TMEM88: variants seen among roughly 807,000 people sequenced by gnomAD.
TMEM88 encodes the protein transmembrane protein 88.
A neutral mutation model predicts 10.0 loss-of-function variants in TMEM88; 8 were observed. That is an observed-to-expected ratio of 0.80 (90% CI 0.47 to 1.44). The LOEUF (loss-of-function observed/expected upper bound fraction) is 1.44, where lower values mean the gene tolerates loss of function less well. Among genes scored for constraint, TMEM88 ranks in the 40% most tolerant of loss-of-function variants. The probability of loss-of-function intolerance (pLI) is 0.00; values close to 1 mark genes in which losing one functional copy is unlikely to be tolerated. For missense variants in TMEM88, 255 were observed against 217.8 expected, an observed-to-expected ratio of 1.17 and a Z score of -1.07; for synonymous variants, 139 against 104.9, an observed-to-expected ratio of 1.33 and a Z score of -1.99.
Position 7,856,038 on chromosome 17 carries a change from C to G in TMEM88, c.*324C>G. 52 of 1,044,692 alleles carry G rather than the reference C, an allele frequency of 5.0e-5. No individual in the cohort carries two copies. Among genetic ancestry groups the G allele is most frequent in the East Asian group, 6.3e-5 (2 of 31,640 alleles). The allele number at this position is 1,044,692 out of a possible 1,614,324, so 64.7% of individuals were successfully genotyped here. A position where few individuals can be genotyped will look rare whatever the true frequency, so the allele number is the denominator to read the frequency against. On this transcript the variant is annotated 3_prime_UTR_variant, in exon 2 of 2. Coordinates refer to ENST00000301599, the MANE Select transcript of TMEM88 (RefSeq NM_203411.2). ...TGCAGCTTCTCTAGTATTTCTGGGGCTGGGGGGCGGGGCTGGAGGGGAAGG... is the reference window on the plus strand; with the variant it reads ...TGCAGCTTCTCTAGTATTTCTGGGGGTGGGGGGCGGGGCTGGAGGGGAAGG...
Position 7,855,452 on chromosome 17 carries a change from G to T in TMEM88, c.218G>T (p.Arg73Leu). 2 of 1,603,920 alleles carry T rather than the reference G, an allele frequency of 1.2e-6. No individual in the cohort carries two copies. The highest frequency in any genetic ancestry group is 1.3e-5 in the African/African-American group (1 of 75,002). The change falls in exon 2 of 2, where the codon CGC becomes CTC. Residue 73 changes from arginine to leucine, a missense_variant. Transcript: ENST00000301599. ...FGFLCHSQFLRSQAPPCTAHL... is the reference protein window; with the variant it reads ...FGFLCHSQFLLSQAPPCTAHL... ...ACGCCTCTTCTCCCACAGTTCCTGC[G>T]CTCCCAGGCACCCCCTTGCACCGCG...
Position 7,855,308 on chromosome 17 carries a change from CGTGTGA to C in TMEM88, c.210+35_210+40del, listed in dbSNP as rs769339123. 160 of 1,582,980 alleles carry C rather than the reference CGTGTGA, an allele frequency of 1.0e-4. No individual in the cohort carries two copies. The African/African-American group carries it at 1.5e-3, about 15-fold the overall frequency. On this transcript the variant is annotated intron_variant, in intron 1 of 1. Coordinates refer to ENST00000301599, the MANE Select transcript of TMEM88 (RefSeq NM_203411.2). ...AGGTGAGCGTGCGCCCCGGGGTGTG[CGTGTGA>C]GTGTGAGTGTTGGTGTGTGGTGATG...
chr17:7,855,249 A>C lies in TMEM88; in HGVS notation c.175A>C (p.Thr59Pro). The stretch of plus-strand genomic sequence containing the variant: ...AGGGACCATCTTGCTACCCGCTGTC[A>C]CCATGCTGGGCTTCGGCTTCCTCTG... ...VLGTILLPAVTMLGFGFLCHS... is the reference protein window; with the variant it reads ...VLGTILLPAVPMLGFGFLCHS... Residue 59 changes from threonine to proline, a missense_variant, in exon 1 of 2, where the codon ACC becomes CCC. Coordinates refer to ENST00000301599, the MANE Select transcript of TMEM88 (RefSeq NM_203411.2). 1 of 1,603,732 alleles carries C rather than the reference A, an allele frequency of 6.2e-7. No homozygotes were observed. Among genetic ancestry groups the C allele is most frequent in the Non-Finnish European group, 8.5e-7 (1 of 1,175,782 alleles).
Position 7,855,451 on chromosome 17 carries a change from C to T in TMEM88, c.217C>T (p.Arg73Cys), listed in dbSNP as rs200927879. 9 of 1,603,720 alleles carry T rather than the reference C, an allele frequency of 5.6e-6. No individual in the cohort carries two copies. Among genetic ancestry groups the T allele is most frequent in the Non-Finnish European group, 7.6e-6 (9 of 1,179,390 alleles). Reference sequence around the variant, plus strand: ...GACGCCTCTTCTCCCACAGTTCCTGCGCTCCCAGGCACCCCCTTGCACCGC... The same window carrying T: ...GACGCCTCTTCTCCCACAGTTCCTGTGCTCCCAGGCACCCCCTTGCACCGC... ...FGFLCHSQFL[R>C]SQAPPCTAHL... Residue 73 changes from arginine to cysteine, a missense_variant, in exon 2 of 2, where the codon CGC becomes TGC. Coordinates refer to ENST00000301599, the MANE Select transcript of TMEM88 (RefSeq NM_203411.2).
At position 7,855,452 on chromosome 17, in the gene TMEM88, G is replaced by C; in HGVS notation, c.218G>C (p.Arg73Pro). Residue 73 changes from arginine to proline, a missense_variant, in exon 2 of 2, where the codon CGC becomes CCC. Physicochemically the swap from Arg to Pro is moderately radical, Grantham distance 103 (BLOSUM62 -2). Transcript: ENST00000301599. ...FGFLCHSQFL[R>P]SQAPPCTAHL... Reference sequence around the variant, plus strand: ...ACGCCTCTTCTCCCACAGTTCCTGCGCTCCCAGGCACCCCCTTGCACCGCG... The same window carrying C: ...ACGCCTCTTCTCCCACAGTTCCTGCCCTCCCAGGCACCCCCTTGCACCGCG... The C allele has an allele frequency of 1.2e-6, 2 of 1,603,920 alleles. No homozygotes were observed. Among genetic ancestry groups the C allele is most frequent in the Non-Finnish European group, 1.7e-6 (2 of 1,179,430 alleles).
At position 7,855,739 on chromosome 17, in the gene TMEM88, T is replaced by A. The variant is rs1188561922; in HGVS notation, c.*25T>A. The A allele has an allele frequency of 6.7e-7, 1 of 1,497,972 alleles. No individual in the cohort carries two copies. Among genetic ancestry groups the A allele is most frequent in the Non-Finnish European group, 8.9e-7 (1 of 1,120,978 alleles). 92.8% of individuals were successfully genotyped at this position (1,497,972 alleles called of 1,614,324 possible). ...ATGACCCTCGAGTCAAGAACAACCC[T>A]GACGGCTGCCCTCCCTCTTATTCGG... On this transcript the variant is annotated 3_prime_UTR_variant, in exon 2 of 2. Coordinates refer to ENST00000301599, the MANE Select transcript of TMEM88 (RefSeq NM_203411.2).
At position 7,855,114 on chromosome 17, in the gene TMEM88, G is replaced by T; in HGVS notation, c.40G>T (p.Asp14Tyr). 6.2e-7 allele frequency: 1 copy of T among 1,608,246 alleles called. No individual in the cohort carries two copies. ...VPGAQRAVPG[D>Y]GPEPRDPLDC... ...CGGGGCACAGCGAGCGGTTCCTGGT[G>T]ACGGCCCAGAGCCCCGGGACCCCCT... Residue 14 changes from aspartate (D) to tyrosine (Y), a missense_variant, in exon 1 of 2, where the codon GAC (aspartate) becomes TAC (tyrosine). Physicochemically the swap from Asp to Tyr is radical, Grantham distance 160. Transcript: ENST00000301599.
chr17:7,855,705 C>T lies in TMEM88; in HGVS notation c.471C>T (p.Val157=). ...GSQAVPTSGK[V]WV is the part of the protein sequence containing the mutation. ...AGGCCGTTCCCACATCAGGAAAGGTCTGGGTCTAATGACCCTCGAGTCAAG... is the reference window on the plus strand; with the variant it reads ...AGGCCGTTCCCACATCAGGAAAGGTTTGGGTCTAATGACCCTCGAGTCAAG... The change falls in exon 2 of 2, where the codon GTC becomes GTT. Residue 157 remains valine, a synonymous_variant. Transcript: ENST00000301599. 1.3e-6 allele frequency: 2 copies of T among 1,570,148 alleles called. No individual in the cohort carries two copies. The highest frequency in any genetic ancestry group is 1.4e-5 in the African/African-American group (1 of 74,016).
Position 7,855,661 on chromosome 17 carries a change from C to T in TMEM88, c.427C>T (p.Arg143Trp), listed in dbSNP as rs2078799145. 3 of 1,605,318 alleles carry T rather than the reference C, an allele frequency of 1.9e-6. No homozygotes were observed. Among genetic ancestry groups the T allele is most frequent in the African/African-American group, 2.7e-5 (2 of 74,964 alleles). The change falls in exon 2 of 2, where the codon CGG becomes TGG. Residue 143 changes from arginine to tryptophan, a missense_variant. By Grantham distance (101) the Arg-to-Trp change is moderately radical. Coordinates refer to ENST00000301599, the MANE Select transcript of TMEM88 (RefSeq NM_203411.2). The stretch of plus-strand genomic sequence containing the variant: ...GCGCGCCCCGCAGCCGCGGCAAATC[C>T]GGGCCTCACCAGGGTCCCAGGCCGT... ...RRRAPQPRQI[R>W]ASPGSQAVPT...
At position 7,855,709 on chromosome 17, in the gene TMEM88, G is replaced by A; in HGVS notation, c.475G>A (p.Val159Ile). 3.2e-6 allele frequency: 5 copies of A among 1,561,988 alleles called. No homozygotes were observed. The highest frequency in any genetic ancestry group is 4.3e-6 in the Non-Finnish European group (5 of 1,152,194). ...QAVPTSGKVWV is the reference protein window; with the variant it reads ...QAVPTSGKVWI ...CGTTCCCACATCAGGAAAGGTCTGG[G>A]TCTAATGACCCTCGAGTCAAGAACA... Residue 159 changes from valine (V) to isoleucine (I), a missense_variant, in exon 2 of 2, where the codon GTC becomes ATC. Coordinates refer to ENST00000301599, the MANE Select transcript of TMEM88 (RefSeq NM_203411.2).
At position 7,855,790 on chromosome 17, in the gene TMEM88, TC is replaced by T. The variant is rs1362173263; in HGVS notation, c.*78del. The stretch of plus-strand genomic sequence containing the variant: ...CCCAAGGACTTGAAGCCCGGCATCT[TC>T]CGACCTGCCCTGCCCCCACCCCTGC... On this transcript the variant is annotated 3_prime_UTR_variant, in exon 2 of 2. Transcript: ENST00000301599. The T allele has an allele frequency of 2.1e-6, 3 of 1,443,732 alleles. No homozygotes were observed. The highest frequency in any genetic ancestry group is 5.0e-5 in the East Asian group (2 of 40,008). 89.4% of individuals were successfully genotyped at this position (1,443,732 alleles called of 1,614,324 possible).
intron 1 of TMEM88, 58 bp from the exon 2 acceptor site, chr17:7,855,387 T>G (rs1597867007): frequency 2.5e-6 from 4 of 1,593,026 alleles, no homozygotes; most frequent in South Asian, 1.1e-5. Flanking sequence ...CTGGGCTGTT[T>G]CCACCCCGTG....
In TMEM88 at chr17:7,855,754, C is replaced by G. The variant is rs1343266947; in HGVS notation, c.*40C>G. The G allele has an allele frequency of 6.8e-7, 1 of 1,472,484 alleles. No homozygotes were observed. Among genetic ancestry groups the G allele is most frequent in the Non-Finnish European group, 9.0e-7 (1 of 1,110,154 alleles). 91.2% of individuals were successfully genotyped at this position (1,472,484 alleles called of 1,614,324 possible). ...AGAACAACCCTGACGGCTGCCCTCC[C>G]TCTTATTCGGCCCAAGGACTTGAAG... On this transcript the variant is annotated 3_prime_UTR_variant, in exon 2 of 2. Transcript: ENST00000301599.
Position 7,855,552 on chromosome 17 carries a change from T to C in TMEM88, c.318T>C (p.Ala106=). Reference sequence around the variant, plus strand: ...TCCTCGTGCCGCTGCTCGTGCTTGCTCTGGCCAGCTACCGCCGCCTCTGCC... The same window carrying C: ...TCCTCGTGCCGCTGCTCGTGCTTGCCCTGGCCAGCTACCGCCGCCTCTGCC... ...FLLLVPLLVL[A]LASYRRLCLR... Residue 106 remains alanine (A), a synonymous_variant, in exon 2 of 2, where the codon GCT becomes GCC. Coordinates refer to ENST00000301599, the MANE Select transcript of TMEM88 (RefSeq NM_203411.2). 1 of 1,608,384 alleles carries C rather than the reference T, an allele frequency of 6.2e-7. No individual in the cohort carries two copies. Among genetic ancestry groups the C allele is most frequent in the Non-Finnish European group, 8.5e-7 (1 of 1,179,870 alleles).
chr17:7,855,092 G>C lies in TMEM88; in HGVS notation c.18G>C (p.Gly6=), dbSNP rs757251579. The C allele has an allele frequency of 6.9e-6, 11 of 1,603,620 alleles. No individual in the cohort carries two copies. The highest frequency in any genetic ancestry group is 1.7e-5 in the Admixed American group (1 of 59,904). MADVP[G]AQRAVPGDGP... is the part of the protein sequence containing the mutation. ...GGCGGGCCATGGCGGATGTCCCCGG[G>C]GCACAGCGAGCGGTTCCTGGTGACG... is the stretch of plus-strand genomic sequence containing the variant. The change falls in exon 1 of 2, where the codon GGG becomes GGC. Residue 6 remains glycine, a synonymous_variant. Transcript: ENST00000301599.
At position 7,856,042 on chromosome 17, in the gene TMEM88, G is replaced by A; in HGVS notation, c.*328G>A. 3 of 1,182,008 alleles carry A rather than the reference G, an allele frequency of 2.5e-6. No individual in the cohort carries two copies. The highest frequency in any genetic ancestry group is 3.1e-5 in the East Asian group (1 of 32,428). The allele number at this position is 1,182,008 out of a possible 1,614,324, so 73.2% of individuals were successfully genotyped here. A position where few individuals can be genotyped will look rare whatever the true frequency, so the allele number is the denominator to read the frequency against. On this transcript the variant is annotated 3_prime_UTR_variant, in exon 2 of 2. Coordinates refer to ENST00000301599, the MANE Select transcript of TMEM88 (RefSeq NM_203411.2). ...GCTTCTCTAGTATTTCTGGGGCTGG[G>A]GGGCGGGGCTGGAGGGGAAGGAGTG...
Position 7,855,169 on chromosome 17 carries a change from C to T in TMEM88, c.95C>T (p.Thr32Ile). ...LDCWACAVLV[T>I]AQNLLVAAFN... ...TGTTGGGCCTGCGCTGTTCTTGTAA[C>T]AGCCCAGAATCTGCTGGTGGCTGCC... Residue 32 changes from threonine to isoleucine, a missense_variant, in exon 1 of 2, where the codon ACA becomes ATA. Thr to Ile is a moderately conservative substitution (Grantham distance 89). Coordinates refer to ENST00000301599, the MANE Select transcript of TMEM88 (RefSeq NM_203411.2). The T allele has an allele frequency of 6.2e-7, 1 of 1,611,798 alleles. No homozygotes were observed. The highest frequency in any genetic ancestry group is 8.5e-7 in the Non-Finnish European group (1 of 1,179,372).
In TMEM88 at chr17:7,855,127, C is replaced by G. The variant is rs745416289; in HGVS notation, c.53C>G (p.Pro18Arg). The G allele has an allele frequency of 3.7e-6, 6 of 1,610,232 alleles. No homozygotes were observed. In the Admixed American group the frequency reaches 1.0e-4, roughly 27 times the overall value. The stretch of plus-strand genomic sequence containing the variant: ...GCGGTTCCTGGTGACGGCCCAGAGC[C>G]CCGGGACCCCCTGGACTGTTGGGCC... The part of the protein sequence containing the change: ...QRAVPGDGPE[P>R]RDPLDCWACA... Residue 18 changes from proline to arginine, a missense_variant, in exon 1 of 2, where the codon CCC becomes CGC. By Grantham distance (103) the Pro-to-Arg change is moderately radical (BLOSUM62 -2). Coordinates refer to ENST00000301599, the MANE Select transcript of TMEM88 (RefSeq NM_203411.2).
In TMEM88 at chr17:7,855,928, T is replaced by A. The variant is rs1182584976; in HGVS notation, c.*214T>A. On this transcript the variant is annotated 3_prime_UTR_variant, in exon 2 of 2. Transcript: ENST00000301599. ...TTTCCTTTCACGACCCACATCTCAA[T>A]CCTGAACATCTAGGCTGGAACCTGC... is the stretch of plus-strand genomic sequence containing the variant. 1.5e-6 allele frequency: 2 copies of A among 1,366,056 alleles called. No homozygotes were observed. The highest frequency in any genetic ancestry group is 9.4e-7 in the Non-Finnish European group (1 of 1,062,772). The allele number at this position is 1,366,056 out of a possible 1,614,324, so 84.6% of individuals were successfully genotyped here.
Sources: allele counts gnomAD v4.1 joint callset, GRCh38; gene constraint gnomAD v4.1.1; transcripts MANE v1.5; gene names NCBI Gene and HGNC (gene_info 2026-07-23, HGNC 2026-07-21).